SMIM14: variants seen among roughly 807,000 people sequenced by gnomAD.
SMIM14 encodes the protein small integral membrane protein 14.
SMIM14 carries 5 observed loss-of-function variants against 12.6 expected under a neutral mutation model. The ratio of observed to expected loss-of-function variants is 0.40; its 90% CI spans 0.21 to 0.83. SMIM14 has a LOEUF of 0.83. Among genes scored for constraint, SMIM14 ranks in the 40% least tolerant of loss-of-function variants. The pLI, the probability that SMIM14 is intolerant of heterozygous loss-of-function variation, is 0.37. For synonymous variants in SMIM14, 30 were observed against 40.1 expected, an observed-to-expected ratio of 0.75 and a Z score of 0.95; for missense variants, 86 against 119.1, an observed-to-expected ratio of 0.72 and a Z score of 1.29.
chr4:39,606,912 TC>T (rs1714834748), intron 1 of SMIM14, among the ~76,000 whole-genome samples: 1 of 152,034 alleles, frequency 6.6e-6, no homozygotes, highest in Non-Finnish European at 1.5e-5. Context: ...AACAATAGTG[TC>T]CGAAATGAAA....
At chr4:39,552,500 A>G (rs1013611055) in intron 4 of SMIM14, among the ~76,000 whole-genome samples, 5 of 152,194 alleles carry the variant, frequency 3.3e-5, no homozygotes, top group Non-Finnish European at 7.3e-5. Flanking sequence ...ACCTATGAAA[A>G]TATCTTCATC....
intron 2 of SMIM14, among the ~76,000 whole-genome samples, chr4:39,575,384 G>A (rs1209586116): frequency 6.6e-6 from 1 of 151,618 alleles, no homozygotes; most frequent in African/African-American, 2.4e-5. Context: ...TAATGAAATA[G>A]AAACAGGGTC....
intron 1 of SMIM14, among the ~76,000 whole-genome samples, chr4:39,609,016 A>T (rs1348308156): frequency 1.3e-5 from 2 of 152,092 alleles, no homozygotes; most frequent in Admixed American, 6.6e-5. Context: ...TTGCTCTGTC[A>T]CCCTGGCTGG....
intron 3 of SMIM14, among the ~76,000 whole-genome samples, chr4:39,568,618 C>G (rs1358674398): frequency 6.6e-6 from 1 of 152,148 alleles, no homozygotes; most frequent in Non-Finnish European, 1.5e-5. Flanking sequence ...CAAATTCCCA[C>G]GATCCTAAAA....
Position 39,550,313 on chromosome 4 carries a change from C to T in SMIM14, c.*1813G>A, listed in dbSNP as rs565757910. ...ATTTATTTATTTTGAGACAGAGTCT[C>T]GCTCTGTCGCCCTGATTGGAGTGCA... On this transcript the variant is annotated 3_prime_UTR_variant, in exon 5 of 5. Transcript: ENST00000295958. 2.6e-5 allele frequency: 4 copies of T among 152,266 alleles called. No individual in the cohort carries two copies. Among genetic ancestry groups the T allele is most frequent in the East Asian group, 3.9e-4 (2 of 5,174 alleles). The allele number at this position is 152,266 out of a possible 1,614,324, so 9.4% of individuals were successfully genotyped here.
intron 1 of SMIM14, among the ~76,000 whole-genome samples, chr4:39,615,478 T>C (rs560522410): frequency 6.5e-4 from 99 of 152,246 alleles, no homozygotes; most frequent in Non-Finnish European, 1.1e-3. Flanking sequence ...TCAAACCCCA[T>C]AGGATGTACA....
intron 4 of SMIM14, among the ~76,000 whole-genome samples, chr4:39,553,555 A>C (rs769380868): frequency 5.3e-5 from 8 of 152,184 alleles, no homozygotes; most frequent in South Asian, 2.1e-4. Context: ...GAAAAAATAA[A>C]AATAAATGTA....
intron 1 of SMIM14, among the ~76,000 whole-genome samples, chr4:39,634,040 T>C (rs538933276): frequency 4.6e-5 from 7 of 152,332 alleles, no homozygotes; most frequent in African/African-American, 1.7e-4. Flanking sequence ...GTGATTCTCC[T>C]GCCTCAGCCT....
intron 2 of SMIM14, among the ~76,000 whole-genome samples, chr4:39,581,860 G>A (rs1376196183): frequency 1.8e-4 from 27 of 148,816 alleles, no homozygotes; most frequent in Admixed American, 6.8e-5. Context: ...ACCATGCCCA[G>A]CAAATGTCTT....
At chr4:39,601,115 A>G (rs1186274083) in intron 2 of SMIM14, among the ~76,000 whole-genome samples, 2 of 152,180 alleles carry the variant, frequency 1.3e-5, no homozygotes, top group African/African-American at 4.8e-5. Flanking sequence ...AGGAACTAAT[A>G]ATAAAATCCT....
chr4:39,631,845 C>T (rs1428128762), intron 1 of SMIM14, among the ~76,000 whole-genome samples: 1 of 151,432 alleles, frequency 6.6e-6, no homozygotes, highest in African/African-American at 2.4e-5. Flanking sequence ...TGCAGTCAGG[C>T]ATAAACCAGC....
chr4:39,633,250 C>G (rs1020677174), intron 1 of SMIM14, among the ~76,000 whole-genome samples: 1 of 152,062 alleles, frequency 6.6e-6, no homozygotes, highest in South Asian at 2.1e-4. Flanking sequence ...GCCGAGATCA[C>G]CCCACTGCAC....
intron 2 of SMIM14, chr4:39,594,628 G>T (rs1714274541): frequency 6.8e-6 from 1 of 148,030 alleles, no homozygotes. Flanking sequence ...CCTACAAAAT[G>T]GGAGAAAATT....
rs28448877 is a variant in SMIM14 at position 39,627,435 on chromosome 4, G to C, written c.-36+11304C>G. On this transcript the variant is annotated intron_variant, in intron 1 of 4. Transcript: ENST00000295958. Reference sequence around the variant, plus strand: ...GAACATCCTTAGACAAAAAACTTAAGGCAGTACTGAGAAATATTAATAGAT... The same window carrying C: ...GAACATCCTTAGACAAAAAACTTAACGCAGTACTGAGAAATATTAATAGAT... Among the ~76,000 whole-genome samples the C allele has an allele frequency of 3.0e-3, 457 of 152,198 alleles. 2 individuals are homozygous for C. The highest frequency in any genetic ancestry group is 0.01 in the African/African-American group (426 of 41,526).
At chr4:39,555,179 A>T (rs1711947658) in intron 4 of SMIM14, among the ~76,000 whole-genome samples, 2 of 148,684 alleles carry the variant, frequency 1.3e-5, no homozygotes, top group South Asian at 2.1e-4. Context: ...ATTCAGTGTT[A>T]AAAAAAAAAC....
chr4:39,603,197 T>G (rs1714681072), intron 2 of SMIM14, among the ~76,000 whole-genome samples: 1 of 152,212 alleles, frequency 6.6e-6, no homozygotes, highest in African/African-American at 2.4e-5. Context: ...ACCAGTATAA[T>G]GTGTAATATA....
chr4:39,626,327 C>T (rs975178249), intron 1 of SMIM14, among the ~76,000 whole-genome samples: 2 of 152,040 alleles, frequency 1.3e-5, no homozygotes, highest in African/African-American at 4.8e-5. Flanking sequence ...TTATATTCAA[C>T]AAATCACAAC....
chr4:39,632,678 T>C (rs757516050), intron 1 of SMIM14, among the ~76,000 whole-genome samples: 2 of 150,658 alleles, frequency 1.3e-5, no homozygotes, highest in Non-Finnish European at 3.0e-5. Flanking sequence ...CTAGGGAGGC[T>C]GAGGTGGGTT....
chr4:39,590,810 A>AC (rs1161842217), intron 2 of SMIM14, among the ~76,000 whole-genome samples: 1 of 152,064 alleles, frequency 6.6e-6, no homozygotes, highest in Non-Finnish European at 1.5e-5. Context: ...TCAAAAAAAA[A>AC]AAAAAAAAAT....
Sources: allele counts gnomAD v4.1 joint callset (sites outside exome capture counted in the v4.1 genomes callset), GRCh38; gene constraint gnomAD v4.1.1; transcripts MANE v1.5; gene names NCBI Gene and HGNC (gene_info 2026-07-23, HGNC 2026-07-21).